The following PDE4D variants were observed in gnomAD, a reference collection of about 807,000 sequenced individuals.
PDE4D encodes 3',5'-cyclic-AMP phosphodiesterase 4D.
In PDE4D, 24 loss-of-function variants were observed where a neutral mutation model predicts 87.4. That is an observed-to-expected ratio of 0.27 (90% CI 0.20 to 0.39). The LOEUF (loss-of-function observed/expected upper bound fraction) is 0.39. Ranked by LOEUF, PDE4D falls within the 10% of genes least tolerant of loss-of-function variation. PDE4D has a pLI of 1.00. For synonymous variants in PDE4D, 384 were observed against 383.2 expected (o/e 1.00, Z -0.02); for missense variants, 714 against 1,041.0 (o/e 0.69, Z 4.32).
chr5:59,125,837 A>G (rs113470893), intron 5 of PDE4D, among the ~76,000 whole-genome samples: 51 of 152,206 alleles, frequency 3.4e-4, no homozygotes, highest in Admixed American at 1.2e-3. Context: ...GGGAATTGAA[A>G]CAGTTGTTCT....
At position 59,690,347 on chromosome 5, in the gene PDE4D, C is replaced by A. The variant is rs1750696427; in HGVS notation, c.455+202821G>T. 7.2e-5 allele frequency among the ~76,000 whole-genome samples: 11 copies of A among 152,302 alleles called. No individual in the cohort carries two copies. In the South Asian group the frequency reaches 2.3e-3, roughly 32 times the overall value. ...TACAAGGCTACAGTAACCAAAACAG[C>A]ATGGTACTGGTACCAAAACAGAGAT... On this transcript the variant is annotated intron_variant, in intron 1 of 14. Transcript: ENST00000340635.
chr5:59,929,297 A>G (rs1755631706), intron 3 of PDE4D, among the ~76,000 whole-genome samples: 1 of 152,132 alleles, frequency 6.6e-6, no homozygotes, highest in African/African-American at 2.4e-5. Flanking sequence ...AATTTATGAT[A>G]TCAGCTTTAG....
intron 1 of PDE4D, among the ~76,000 whole-genome samples, chr5:60,338,605 G>A (rs1457700343): frequency 2.0e-5 from 3 of 152,194 alleles, no homozygotes; most frequent in Non-Finnish European, 2.9e-5. Context: ...CATGTGACTC[G>A]CCCGGAGGTC....
At chr5:59,968,818 A>G (rs1343444515) in intron 3 of PDE4D, among the ~76,000 whole-genome samples, 1 of 152,112 alleles carries the variant, frequency 6.6e-6, no homozygotes, top group Non-Finnish European at 1.5e-5. Context: ...AATGGTACCT[A>G]CCGTAGCATC....
chr5:59,349,929 CT>C (rs1190437270), intron 1 of PDE4D, among the ~76,000 whole-genome samples: 2 of 152,128 alleles, frequency 1.3e-5, no homozygotes, highest in African/African-American at 4.8e-5. Flanking sequence ...AACACTCAAA[CT>C]GTATCTCCCC....
chr5:59,140,000 T>C (rs528390546), intron 5 of PDE4D, among the ~76,000 whole-genome samples: 1 of 152,180 alleles, frequency 6.6e-6, no homozygotes, highest in Non-Finnish European at 1.5e-5. Flanking sequence ...AAGTCTGAGA[T>C]GTAAATTGCA....
chr5:59,618,292 T>G (rs1829947930), intron 1 of PDE4D, among the ~76,000 whole-genome samples: 1 of 151,726 alleles, frequency 6.6e-6, no homozygotes, highest in Non-Finnish European at 1.5e-5. Flanking sequence ...TGAGGAGGAG[T>G]TACCTTGACA....
At chr5:60,246,663 T>C (rs561183203) in intron 1 of PDE4D, among the ~76,000 whole-genome samples, 2 of 152,062 alleles carry the variant, frequency 1.3e-5, no homozygotes, top group South Asian at 4.1e-4. Flanking sequence ...TTATAATTCA[T>C]TTATGTCTCT....
intron 2 of PDE4D, among the ~76,000 whole-genome samples, chr5:60,167,049 T>C (rs1454894976): frequency 6.6e-6 from 1 of 152,186 alleles, no homozygotes; most frequent in African/African-American, 2.4e-5. Flanking sequence ...CTGAATCTGA[T>C]TGGAAATCTT....
intron 1 of PDE4D, among the ~76,000 whole-genome samples, chr5:60,387,112 T>C (rs979186478): frequency 1.3e-5 from 2 of 152,192 alleles, no homozygotes; most frequent in Non-Finnish European, 2.9e-5. Context: ...TAGGATTCTT[T>C]CATCTGAGAT....
At chr5:59,091,490 T>C (rs1402686401) in intron 5 of PDE4D, among the ~76,000 whole-genome samples, 1 of 152,068 alleles carries the variant, frequency 6.6e-6, no homozygotes, top group Non-Finnish European at 1.5e-5. Context: ...CATACAACAT[T>C]GATGAATTTT....
upstream of PDE4D, chr5:59,893,749 A>G: frequency 7.4e-7 from 1 of 1,360,458 alleles, no homozygotes; most frequent in Non-Finnish European, 9.4e-7. Flanking sequence ...GCTGGTGCTT[A>G]GCTTCTCACT....
At chr5:59,953,144 G>A (rs561556707) in intron 3 of PDE4D, among the ~76,000 whole-genome samples, 17 of 151,834 alleles carry the variant, frequency 1.1e-4, no homozygotes, top group African/African-American at 3.9e-4. Flanking sequence ...AATAAGTTCG[G>A]GTCTCATGCA....
At chr5:60,354,803 C>T (rs974087711) in intron 1 of PDE4D, among the ~76,000 whole-genome samples, 3 of 152,080 alleles carry the variant, frequency 2.0e-5, no homozygotes, top group African/African-American at 4.8e-5. Flanking sequence ...TAGTCCAAGA[C>T]ATTTATTTCA....
intron 1 of PDE4D, among the ~76,000 whole-genome samples, chr5:59,767,078 C>T (rs1467054974): frequency 2.0e-5 from 3 of 152,140 alleles, no homozygotes; most frequent in Non-Finnish European, 4.4e-5. Context: ...TTCCTGAGCA[C>T]GGTCTTGTCA....
chr5:60,053,565 T>A (rs1159049919), intron 2 of PDE4D, among the ~76,000 whole-genome samples: 1 of 152,158 alleles, frequency 6.6e-6, no homozygotes, highest in East Asian at 1.9e-4. Flanking sequence ...GACTTAAACA[T>A]AAGACCTAAA....
chr5:59,746,427 C>G (rs1485331668), intron 1 of PDE4D, among the ~76,000 whole-genome samples: 1 of 152,164 alleles, frequency 6.6e-6, no homozygotes, highest in Non-Finnish European at 1.5e-5. Context: ...GGATGAATTA[C>G]TGTTTCTGGA....
chr5:59,832,357 G>A (rs555565702), intron 1 of PDE4D, among the ~76,000 whole-genome samples: 12 of 152,178 alleles, frequency 7.9e-5, no homozygotes, highest in Admixed American at 5.9e-4. Context: ...TTCTTAGGAA[G>A]ATGTTGGGAT....
At chr5:59,175,475 T>C (rs6882478) in intron 5 of PDE4D, among the ~76,000 whole-genome samples, 2,650 of 19,422 alleles carry the variant, frequency 0.14, 74 homozygotes, top group African/African-American at 0.22. Flanking sequence ...TTCTTTCTTT[T>C]TTTTTTTTTT....
Sources: allele counts gnomAD v4.1 joint callset (sites outside exome capture counted in the v4.1 genomes callset), GRCh38; gene constraint gnomAD v4.1.1; transcripts MANE v1.5; gene names NCBI Gene and HGNC (gene_info 2026-07-23, HGNC 2026-07-21).